The following CACNA2D3 variants were observed in gnomAD, a reference collection of about 807,000 sequenced individuals.
The protein encoded by CACNA2D3 is voltage-dependent calcium channel subunit alpha-2/delta-3.
Under a neutral mutation model 160.6 loss-of-function variants are expected in CACNA2D3, and 60 were observed. The ratio of observed to expected loss-of-function variants is 0.37; its 90% CI spans 0.30 to 0.46. CACNA2D3 has a LOEUF of 0.46. Ranked by LOEUF, CACNA2D3 falls within the 20% of genes least tolerant of loss-of-function variation. CACNA2D3 has a pLI of 1.00. For missense variants in CACNA2D3, 1,205 were observed against 1,365.0 expected (o/e 0.88, Z 1.85); for synonymous variants, 558 against 492.9 (o/e 1.13, Z -1.75).
chr3:54,135,344 G>T (rs780129992), intron 2 of CACNA2D3, among the ~76,000 whole-genome samples: 1 of 152,198 alleles, frequency 6.6e-6, no homozygotes, highest in Non-Finnish European at 1.5e-5. Flanking sequence ...GGCCTGTCAG[G>T]CATCTTCATG....
intron 24 of CACNA2D3, 40 bp downstream of exon 24, chr3:54,888,092 T>G: frequency 7.3e-7 from 1 of 1,369,508 alleles, no homozygotes; most frequent in Non-Finnish European, 1.0e-6. Context: ...GGCCATTTCC[T>G]CACCAACACT....
intron 2 of CACNA2D3, among the ~76,000 whole-genome samples, chr3:54,292,432 TAA>T (rs1177438721): frequency 6.6e-6 from 1 of 152,088 alleles, no homozygotes; most frequent in East Asian, 1.9e-4. Flanking sequence ...TTATATCTGA[TAA>T]AAGACTTGTT....
At chr3:54,363,640 T>A (rs1436121189) in intron 3 of CACNA2D3, among the ~76,000 whole-genome samples, 1 of 152,208 alleles carries the variant, frequency 6.6e-6, no homozygotes, top group Admixed American at 6.5e-5. Context: ...TGTCATTGTT[T>A]ATTGAGTTTA....
Position 54,363,262 on chromosome 3 carries a change from A to C in CACNA2D3, c.322-23453A>C, listed in dbSNP as rs143078397. Among the ~76,000 whole-genome samples, 666 of 152,268 alleles carry C rather than the reference A, an allele frequency of 4.4e-3. 9 individuals carry two copies. Among genetic ancestry groups the C allele is most frequent in the African/African-American group, 0.015 (637 of 41,554 alleles). On this transcript the variant is annotated intron_variant, in intron 3 of 37. Transcript: ENST00000474759. ...ATTTTATGAAAGTATTATACTACAG[A>C]GTATTGGAAAACACACATACACGAT...
rs1442701409 is a variant in CACNA2D3 at position 54,891,417 on chromosome 3, A to G, written c.2213A>G (p.Asn738Ser). The change falls in exon 25 of 38, where the codon AAC (asparagine) becomes AGC (serine). Residue 738 changes from asparagine (N) to serine (S), a missense_variant. Coordinates refer to ENST00000474759, the MANE Select transcript of CACNA2D3 (RefSeq NM_018398.3). ...LGTRTGLSRI[N>S]LFVGAEQLTN... ...ACTCGCACGGGCCTCTCCAGAATCA[A>G]CCTGTTTGTCGGGGCTGAGCAGCTC... 3 of 1,613,814 alleles carry G rather than the reference A, an allele frequency of 1.9e-6. No homozygotes were observed. Among genetic ancestry groups the G allele is most frequent in the Non-Finnish European group, 2.5e-6 (3 of 1,179,878 alleles).
intron 9 of CACNA2D3, among the ~76,000 whole-genome samples, chr3:54,586,508 C>CA (rs1702764699): frequency 6.6e-6 from 1 of 152,130 alleles, no homozygotes; most frequent in Non-Finnish European, 1.5e-5. Flanking sequence ...TCAAAATACA[C>CA]AGTTTCAAAA....
intron 14 of CACNA2D3, among the ~76,000 whole-genome samples, chr3:54,819,892 C>T (rs1169970029): frequency 6.6e-6 from 1 of 152,078 alleles, no homozygotes; most frequent in Non-Finnish European, 1.5e-5. Flanking sequence ...ACTGACTGCA[C>T]CTTCTTCATG....
intron 11 of CACNA2D3, among the ~76,000 whole-genome samples, chr3:54,742,817 C>A (rs1701680789): frequency 6.6e-6 from 1 of 152,230 alleles, no homozygotes; most frequent in Non-Finnish European, 1.5e-5. Context: ...TAATACTGAT[C>A]TTCCATCCAT....
chr3:54,268,395 A>G (rs2107447966), intron 2 of CACNA2D3, among the ~76,000 whole-genome samples: 1 of 152,196 alleles, frequency 6.6e-6, no homozygotes. Flanking sequence ...ATTAGGGGCA[A>G]TTATTTGTCA....
chr3:54,974,538 G>A (rs1433868665), intron 29 of CACNA2D3, among the ~76,000 whole-genome samples: 1 of 152,130 alleles, frequency 6.6e-6, no homozygotes, highest in African/African-American at 2.4e-5. Context: ...TCCAATCTGT[G>A]ACTGCCCAAT....
intron 27 of CACNA2D3, among the ~76,000 whole-genome samples, chr3:54,915,014 CA>C (rs1256119300): frequency 3.9e-5 from 6 of 152,342 alleles, no homozygotes; most frequent in African/African-American, 1.2e-4. Context: ...TGTCTTGTTT[CA>C]GGGGTACTTG....
chr3:54,416,550 C>T (rs1227387842), intron 4 of CACNA2D3, among the ~76,000 whole-genome samples: 1 of 152,116 alleles, frequency 6.6e-6, no homozygotes, highest in African/African-American at 2.4e-5. Flanking sequence ...ATGAAGTTGT[C>T]ATCTGTTTAT....
chr3:54,493,692 T>C (rs916167535), intron 4 of CACNA2D3, among the ~76,000 whole-genome samples: 1 of 152,236 alleles, frequency 6.6e-6, no homozygotes, highest in Non-Finnish European at 1.5e-5. Context: ...CAGAGAAGTT[T>C]TTAATAATTT....
intron 5 of CACNA2D3, among the ~76,000 whole-genome samples, chr3:54,504,855 T>C (rs903009181): frequency 2.6e-5 from 4 of 152,168 alleles, no homozygotes; most frequent in Non-Finnish European, 5.9e-5. Flanking sequence ...GCTGCCTCCG[T>C]CAGAGGGTTA....
In CACNA2D3 at chr3:55,073,429, C is replaced by A. The variant is rs765726925; in HGVS notation, c.2988-16C>A. 2.5e-6 allele frequency: 4 copies of A among 1,597,106 alleles called. No homozygotes were observed. The South Asian group carries it at 4.4e-5, about 18-fold the overall frequency. On this transcript the variant is annotated splice_polypyrimidine_tract_variant and intron_variant, in intron 35 of 37. Transcript: ENST00000474759. The stretch of plus-strand genomic sequence containing the variant: ...CGGATGGTAAATGACTGCCTCGCTA[C>A]CTCTTGTTCCAACAGGTCCTTTGTC...
At chr3:54,761,481 A>C (rs761070243) in intron 12 of CACNA2D3, among the ~76,000 whole-genome samples, 2 of 152,210 alleles carry the variant, frequency 1.3e-5, no homozygotes, top group African/African-American at 2.4e-5. Context: ...AGAGATGATA[A>C]CTGTGTATGT....
At position 54,346,276 on chromosome 3, in the gene CACNA2D3, G is replaced by A. The variant is rs567703903; in HGVS notation, c.321+25718G>A. 7.2e-5 allele frequency among the ~76,000 whole-genome samples: 11 copies of A among 152,320 alleles called. No homozygotes were observed. In the East Asian group the frequency reaches 2.1e-3, roughly 29 times the overall value. The stretch of plus-strand genomic sequence containing the variant: ...CAACCTGGCCCACTGCTCTCATCCA[G>A]TGTCTGGTCCAACTCAGCACCAGGG... On this transcript the variant is annotated intron_variant, in intron 3 of 37. Transcript: ENST00000474759.
chr3:54,363,870 T>G (rs1698785560), intron 3 of CACNA2D3, among the ~76,000 whole-genome samples: 1 of 152,164 alleles, frequency 6.6e-6, no homozygotes, highest in Admixed American at 6.5e-5. Flanking sequence ...TTCCTTCTCC[T>G]CTTAGCATGC....
intron 27 of CACNA2D3, among the ~76,000 whole-genome samples, chr3:54,963,233 C>A (rs564042544): frequency 5.9e-5 from 9 of 152,272 alleles, no homozygotes; most frequent in Non-Finnish European, 1.3e-4. Context: ...CTGATCTAAA[C>A]CCCCTATACC....
Sources: gnomAD v4.1 joint callset for allele counts (sites outside exome capture counted in the v4.1 genomes callset) on GRCh38, gnomAD v4.1.1 for gene constraint, MANE v1.5 for transcripts, NCBI Gene and HGNC (gene_info 2026-07-23, HGNC 2026-07-21) for gene names.